Variants in DEK observed in about 807,000 individuals in gnomAD.
DEK encodes the protein protein DEK.
In DEK, 28 loss-of-function variants were observed where a neutral mutation model predicts 46.8. The observed-to-expected ratio is 0.60, with a 90% CI of 0.44 to 0.82. DEK has a LOEUF of 0.82. DEK is among the 40% of genes least tolerant of loss of function. The probability of loss-of-function intolerance (pLI) is 0.00; values close to 1 mark genes in which losing one functional copy is unlikely to be tolerated. For synonymous variants in DEK, 160 were observed against 144.5 expected, an observed-to-expected ratio of 1.11 and a Z score of -0.77; for missense variants, 416 against 430.6, an observed-to-expected ratio of 0.97 and a Z score of 0.30.
chr6:18,228,205 A>G (rs181548489), intron 9 of DEK, among the ~76,000 whole-genome samples: 1 of 152,292 alleles, frequency 6.6e-6, no homozygotes, highest in Admixed American at 6.5e-5. Flanking sequence ...GTTTCTACTC[A>G]ACTATGCGTT....
At chr6:18,233,752 C>CT (rs71559661) in intron 9 of DEK, among the ~76,000 whole-genome samples, 1 of 75,230 alleles carries the variant, frequency 1.3e-5, no homozygotes, top group Admixed American at 1.3e-4. Flanking sequence ...GCTGGTGGGA[C>CT]TTTAACTAGT....
chr6:18,263,493 C>T (rs966018113), intron 2 of DEK, among the ~76,000 whole-genome samples: 3 of 151,842 alleles, frequency 2.0e-5, no homozygotes, highest in African/African-American at 7.3e-5. Flanking sequence ...ATCCACTTAG[C>T]AACTTCAAAG....
intron 6 of DEK, among the ~76,000 whole-genome samples, chr6:18,255,474 A>G (rs1268856873): frequency 6.6e-6 from 1 of 152,190 alleles, no homozygotes; most frequent in Non-Finnish European, 1.5e-5. Context: ...GACTACTAGT[A>G]CTTTCTGTCC....
intron 7 of DEK, among the ~76,000 whole-genome samples, chr6:18,241,532 A>C (rs866152287): frequency 6.6e-6 from 1 of 152,158 alleles, no homozygotes; most frequent in South Asian, 2.1e-4. Flanking sequence ...ACTTTATGGA[A>C]GGTATTGTGA....
chr6:18,224,870 T>TTATA lies in DEK; in HGVS notation c.*845_*848dup, dbSNP rs1425761480. 4.7e-6 allele frequency: 1 copy of TTATA among 211,086 alleles called. No homozygotes were observed. Among genetic ancestry groups the TTATA allele is most frequent in the Non-Finnish European group, 9.6e-6 (1 of 103,848 alleles). The allele number at this position is 211,086 out of a possible 1,614,324, so 13.1% of individuals were successfully genotyped here. A position where few individuals can be genotyped will look rare whatever the true frequency, so the allele number is the denominator to read the frequency against. ...TGATAGGTTGATTTTTGGTCTGTCC[T>TTATA]TATATAATATAAAACGTACCTACAG... On this transcript the variant is annotated 3_prime_UTR_variant, in exon 11 of 11. Coordinates refer to ENST00000652689, the MANE Select transcript of DEK (RefSeq NM_003472.4).
intron 7 of DEK, among the ~76,000 whole-genome samples, chr6:18,241,964 AGTTTT>A (rs1317478363): frequency 6.6e-6 from 1 of 152,240 alleles, no homozygotes; most frequent in Non-Finnish European, 1.5e-5. Flanking sequence ...AATAGCTTTT[AGTTTT>A]AAGTTCTGAT....
At chr6:18,260,627 A>G (rs1169069455) in intron 2 of DEK, among the ~76,000 whole-genome samples, 2 of 152,136 alleles carry the variant, frequency 1.3e-5, no homozygotes, top group African/African-American at 4.8e-5. Flanking sequence ...CCCCTTTCTT[A>G]GGACAGACTT....
intron 9 of DEK, among the ~76,000 whole-genome samples, chr6:18,229,229 G>C (rs139979083): frequency 0.016 from 2,491 of 152,294 alleles, 60 homozygotes; most frequent in African/African-American, 0.057. Flanking sequence ...AACCCCATCT[G>C]TACGTCACCA....
At chr6:18,249,885 C>A (rs1561986444) in intron 6 of DEK, 46 bp from the exon 7 acceptor site, 1 of 1,516,764 alleles carries the variant, frequency 6.6e-7, no homozygotes, top group South Asian at 1.3e-5. Context: ...TATAATATTT[C>A]AATCAATTCT....
At chr6:18,228,415 G>C (rs533906426) in intron 9 of DEK, among the ~76,000 whole-genome samples, 1 of 152,092 alleles carries the variant, frequency 6.6e-6, no homozygotes, top group East Asian at 1.9e-4. Context: ...GGCCGAATAG[G>C]AACAGCTCCA....
At chr6:18,246,234 GAAAAA>G (rs1561983940) in intron 7 of DEK, among the ~76,000 whole-genome samples, 1 of 151,944 alleles carries the variant, frequency 6.6e-6, no homozygotes, top group Non-Finnish European at 1.5e-5. Flanking sequence ...CTCATCAAAA[GAAAAA>G]AAGAAAATCA....
intron 7 of DEK, among the ~76,000 whole-genome samples, chr6:18,243,457 G>A (rs895164209): frequency 6.6e-6 from 1 of 152,042 alleles, no homozygotes; most frequent in Non-Finnish European, 1.5e-5. Context: ...GTTCTCTATA[G>A]CATGGGTTCA....
Position 18,258,038 on chromosome 6 carries a change from A to G in DEK, c.272T>C (p.Ile91Thr), listed in dbSNP as rs1323311992. 1.9e-6 allele frequency: 3 copies of G among 1,610,190 alleles called. No homozygotes were observed. Among genetic ancestry groups the G allele is most frequent in the Admixed American group, 1.7e-5 (1 of 59,476 alleles). ...AQGKGQKLCE[I>T]ERIHFFLSKK... ...ACTTAGAAAAAAATGTATCCTCTCA[A>G]TTTCACAAAGTTTCTGCCCCTTTCC... is the stretch of plus-strand genomic sequence containing the variant. Residue 91 changes from isoleucine (I) to threonine (T), a missense_variant, in exon 4 of 11, where the codon ATT becomes ACT. Coordinates refer to ENST00000652689, the MANE Select transcript of DEK (RefSeq NM_003472.4).
At chr6:18,247,165 A>G (rs1416182529) in intron 7 of DEK, among the ~76,000 whole-genome samples, 1 of 152,190 alleles carries the variant, frequency 6.6e-6, no homozygotes, top group Non-Finnish European at 1.5e-5. Context: ...TCCTCCTGCC[A>G]GAACTTACCT....
chr6:18,228,308 G>C (rs1310374967), intron 9 of DEK, among the ~76,000 whole-genome samples: 2 of 152,266 alleles, frequency 1.3e-5, no homozygotes, highest in East Asian at 1.9e-4. Context: ...GACTAAGATA[G>C]AATGGATTTA....
intron 9 of DEK, among the ~76,000 whole-genome samples, chr6:18,229,416 G>A (rs556234698): frequency 1.3e-5 from 2 of 152,148 alleles, no homozygotes; most frequent in African/African-American, 2.4e-5. Context: ...GGCTTCAGAC[G>A]ATCAAACTTC....
intron 9 of DEK, 62 bp downstream of exon 9, chr6:18,236,390 C>A: frequency 6.4e-7 from 1 of 1,551,452 alleles, no homozygotes; most frequent in Middle Eastern, 2.2e-4. Flanking sequence ...GCTTCAAATT[C>A]AGAGATAAGT....
chr6:18,230,826 A>G (rs1173067418), intron 9 of DEK, among the ~76,000 whole-genome samples: 1 of 152,206 alleles, frequency 6.6e-6, no homozygotes, highest in Non-Finnish European at 1.5e-5. Flanking sequence ...AGTGAGACAG[A>G]AAGTCAACAA....
chr6:18,232,371 G>A (rs1175651150), intron 9 of DEK, among the ~76,000 whole-genome samples: 2 of 152,268 alleles, frequency 1.3e-5, no homozygotes, highest in South Asian at 2.1e-4. Flanking sequence ...AGGGCAATCA[G>A]GCAGGAGAAA....
Sources: allele counts gnomAD v4.1 joint callset (sites outside exome capture counted in the v4.1 genomes callset), GRCh38; gene constraint gnomAD v4.1.1; transcripts MANE v1.5; gene names NCBI Gene and HGNC (gene_info 2026-07-23, HGNC 2026-07-21).